FER: variants seen among roughly 807,000 people sequenced by gnomAD.
FER encodes FER tyrosine kinase.
Under a neutral mutation model 111.0 loss-of-function variants are expected in FER, and 63 were observed. The observed-to-expected ratio is 0.57, with a 90% CI of 0.46 to 0.70. The LOEUF (loss-of-function observed/expected upper bound fraction) is 0.70, where lower values mean the gene tolerates loss of function less well. Ranked by LOEUF, FER falls within the 30% of genes least tolerant of loss-of-function variation. The pLI is 0.00. For synonymous variants in FER, 327 were observed against 313.9 expected (o/e 1.04, Z -0.44); for missense variants, 914 against 954.0 (o/e 0.96, Z 0.55).
intron 3 of FER, among the ~76,000 whole-genome samples, chr5:108,805,234 T>C (rs1757076797): frequency 6.6e-6 from 1 of 152,072 alleles, no homozygotes; most frequent in Non-Finnish European, 1.5e-5. Context: ...CTGCACAAGC[T>C]CTCTTTTGCC....
rs1393799533 is a variant in FER at position 109,057,443 on chromosome 5, A to C, written c.1924+10245A>C. ...AAGAGAGAGGTGATATCACCACAGA[A>C]TATTCAGATATTAGAAGGATAATGA... On this transcript the variant is annotated intron_variant, in intron 16 of 19. Transcript: ENST00000281092. 3.3e-5 allele frequency among the ~76,000 whole-genome samples: 5 copies of C among 152,218 alleles called. No homozygotes were observed. The East Asian group carries it at 9.6e-4, about 29-fold the overall frequency.
chr5:108,779,794 T>C (rs1421375205), intron 2 of FER, among the ~76,000 whole-genome samples: 1 of 152,172 alleles, frequency 6.6e-6, no homozygotes, highest in African/African-American at 2.4e-5. Flanking sequence ...CCTTCTTATC[T>C]CACTGCATTA....
Position 108,835,343 on chromosome 5 carries a change from T to G in FER, c.382-365T>G, listed in dbSNP as rs182283363. 1.2e-4 allele frequency among the ~76,000 whole-genome samples: 18 copies of G among 152,038 alleles called. No homozygotes were observed. The East Asian group carries it at 2.5e-3, about 21-fold the overall frequency. ...ATTATAGGCATGCGCCACCATAGCCTGGCTCCTTTTTTGGTATTTTTGGTA... is the reference window on the plus strand; with the variant it reads ...ATTATAGGCATGCGCCACCATAGCCGGGCTCCTTTTTTGGTATTTTTGGTA... On this transcript the variant is annotated intron_variant, in intron 4 of 19. Transcript: ENST00000281092.
rs1386865510 is a variant in FER at position 109,191,122 on chromosome 5, C to T, written c.*3547C>T. 2 of 152,104 alleles carry T rather than the reference C, an allele frequency of 1.3e-5. No individual in the cohort carries two copies. Among genetic ancestry groups the T allele is most frequent in the Non-Finnish European group, 1.5e-5 (1 of 67,994 alleles). The allele number at this position is 152,104 out of a possible 1,614,324, so 9.4% of individuals were successfully genotyped here. On this transcript the variant is annotated 3_prime_UTR_variant, in exon 20 of 20. Transcript: ENST00000281092. ...TGTTTTAGTTACAACATACGCCACC[C>T]ACTGAGGACCTTGTAGTGGGATAAA...
At chr5:108,784,986 T>G in intron 2 of FER, 1 of 250,802 alleles carries the variant, frequency 4.0e-6, no homozygotes, top group Non-Finnish European at 7.9e-6. Context: ...TATGGCCAGA[T>G]TTGGGGGCCT....
At position 109,051,738 on chromosome 5, in the gene FER, C is replaced by G; in HGVS notation, c.1924+4540C>G. 5 of 1,575,286 alleles carry G rather than the reference C, an allele frequency of 3.2e-6. No individual in the cohort carries two copies. In the South Asian group the frequency reaches 5.5e-5, roughly 17 times the overall value. ...TCGCATGGTAAGGGTCGCTCTTTCC[C>G]TTAACCCAATCCTTAACGCCCTTGA... is the stretch of plus-strand genomic sequence containing the variant. On this transcript the variant is annotated intron_variant, in intron 16 of 19. Transcript: ENST00000281092.
chr5:108,777,867 T>C (rs1753662885), intron 2 of FER, among the ~76,000 whole-genome samples: 1 of 152,054 alleles, frequency 6.6e-6, no homozygotes, highest in Non-Finnish European at 1.5e-5. Flanking sequence ...CCATTCACGA[T>C]CAAGAGAATA....
intron 10 of FER, among the ~76,000 whole-genome samples, chr5:108,901,735 T>G (rs1750054143): frequency 1.3e-5 from 2 of 152,186 alleles, no homozygotes; most frequent in African/African-American, 4.8e-5. Flanking sequence ...ATTTACTGCC[T>G]GAGTTCAGGA....
intron 2 of FER, among the ~76,000 whole-genome samples, chr5:108,774,857 A>G (rs1753318760): frequency 6.6e-6 from 1 of 151,898 alleles, no homozygotes; most frequent in South Asian, 2.1e-4. Flanking sequence ...GTTCACTCTG[A>G]TGATAGTTTC....
intron 17 of FER, among the ~76,000 whole-genome samples, chr5:109,114,013 T>TA (rs1193347913): frequency 6.6e-6 from 1 of 152,142 alleles, no homozygotes; most frequent in Non-Finnish European, 1.5e-5. Flanking sequence ...CTATTGCCCT[T>TA]ACGCTTTCTA....
chr5:109,108,698 A>G (rs542196501), intron 17 of FER, among the ~76,000 whole-genome samples: 81 of 152,310 alleles, frequency 5.3e-4, no homozygotes, highest in African/African-American at 1.8e-3. Context: ...TCTCAAGTCA[A>G]ACCTGATTTA....
intron 3 of FER, chr5:108,820,645 C>A: frequency 1.7e-6 from 1 of 588,286 alleles, no homozygotes; most frequent in Non-Finnish European, 2.1e-6. Context: ...TGAGACTGGA[C>A]CGTAACTGAG....
At chr5:109,139,151 C>T (rs1397923214) in intron 17 of FER, among the ~76,000 whole-genome samples, 1 of 152,062 alleles carries the variant, frequency 6.6e-6, no homozygotes, top group Non-Finnish European at 1.5e-5. Flanking sequence ...TCAAAAGGAA[C>T]ACAGCGGAGC....
Position 108,782,320 on chromosome 5 carries a change from A to G in FER, c.-60+14082A>G, listed in dbSNP as rs150382717. ...TTTTTTTAAGAGATGAAATTTTGCT[A>G]TGTTGCCCAAGCTGGACTCAAACTC... is the stretch of plus-strand genomic sequence containing the variant. On this transcript the variant is annotated intron_variant, in intron 2 of 19. Transcript: ENST00000281092. Among the ~76,000 whole-genome samples, 28 of 150,316 alleles carry G rather than the reference A, an allele frequency of 1.9e-4. No individual in the cohort carries two copies. The East Asian group carries it at 4.5e-3, about 24-fold the overall frequency.
chr5:109,027,325 A>G (rs1450452769), intron 13 of FER, among the ~76,000 whole-genome samples: 1 of 152,180 alleles, frequency 6.6e-6, no homozygotes, highest in East Asian at 1.9e-4. Flanking sequence ...AGAATTATTT[A>G]TCAAAAACAA....
chr5:108,788,519 C>A (rs1290175687), intron 2 of FER, among the ~76,000 whole-genome samples: 3 of 148,448 alleles, frequency 2.0e-5, no homozygotes, highest in Non-Finnish European at 4.4e-5. Flanking sequence ...CCTAATGATC[C>A]TGCGACACTA....
rs185526550 is a variant in FER at position 109,176,823 on chromosome 5, A to T, written c.2049-3924A>T. ...CTCGCAGTTGTCAACAAAAAAAGTA[A>T]ATAAATCTGCCAAGGAGTACACTTG... On this transcript the variant is annotated intron_variant, in intron 17 of 19. Coordinates refer to ENST00000281092, the MANE Select transcript of FER (RefSeq NM_005246.4). Among the ~76,000 whole-genome samples, 347 of 152,372 alleles carry T rather than the reference A, an allele frequency of 2.3e-3. 1 individual carries two copies. The highest frequency in any genetic ancestry group is 7.8e-3 in the African/African-American group (325 of 41,588).
chr5:108,968,730 A>C (rs1338785918), intron 13 of FER, among the ~76,000 whole-genome samples: 1 of 152,116 alleles, frequency 6.6e-6, no homozygotes, highest in Non-Finnish European at 1.5e-5. Flanking sequence ...TAATATGTAT[A>C]TAATAGTTGC....
At chr5:109,164,522 G>A (rs1373008524) in intron 17 of FER, among the ~76,000 whole-genome samples, 1 of 152,048 alleles carries the variant, frequency 6.6e-6, no homozygotes, top group African/African-American at 2.4e-5. Context: ...TCTGAATCAT[G>A]TCTATATCTG....
Sources: gnomAD v4.1 joint callset for allele counts (sites outside exome capture counted in the v4.1 genomes callset) on GRCh38, gnomAD v4.1.1 for gene constraint, MANE v1.5 for transcripts, NCBI Gene and HGNC (gene_info 2026-07-23, HGNC 2026-07-21) for gene names.